NPC1: variants seen among roughly 807,000 people sequenced by gnomAD.
NPC1 encodes the protein NPC intracellular cholesterol transporter 1.
Under a neutral mutation model 140.4 loss-of-function variants are expected in NPC1, and 85 were observed. The ratio of observed to expected loss-of-function variants is 0.61; its 90% CI spans 0.51 to 0.72. The LOEUF (loss-of-function observed/expected upper bound fraction) is 0.72, where lower values mean the gene tolerates loss of function less well. NPC1 is among the 30% of genes least tolerant of loss of function. NPC1 has a pLI of 0.00. For missense variants in NPC1, 1,504 were observed against 1,623.8 expected (o/e 0.93, Z 1.27); for synonymous variants, 656 against 624.8 (o/e 1.05, Z -0.74).
intron 1 of NPC1, among the ~76,000 whole-genome samples, chr18:23,523,163 T>C (rs1199719094): frequency 1.3e-5 from 2 of 152,194 alleles, no homozygotes; most frequent in South Asian, 4.1e-4. Flanking sequence ...CTGGGCTCTT[T>C]CCTACCTTTG....
At chr18:23,526,545 C>A (rs2058302669), downstream of NPC1, 3 of 1,484,006 alleles carry the variant, frequency 2.0e-6, no homozygotes, top group South Asian at 2.6e-5. Flanking sequence ...TCACCACCTG[C>A]CACCCGCCCC....
downstream of NPC1, chr18:23,529,567 T>G (rs957516104): frequency 2.1e-6 from 3 of 1,410,676 alleles, no homozygotes; most frequent in Non-Finnish European, 3.0e-6. Flanking sequence ...GGGGGTTGGA[T>G]AGAGAGTTAT....
At chr18:23,533,138 A>G in intron 24 of NPC1, 1 of 645,030 alleles carries the variant, frequency 1.6e-6, no homozygotes, top group Non-Finnish European at 2.5e-6. Flanking sequence ...GGCCTCCAGA[A>G]AAAACATCGA....
At chr18:23,529,432 T>C, downstream of NPC1, 1 of 1,403,724 alleles carries the variant, frequency 7.1e-7, no homozygotes, top group South Asian at 1.4e-5. Context: ...GGTGAGGCCC[T>C]AGAGCTGGTA....
intron 1 of NPC1, among the ~76,000 whole-genome samples, chr18:23,578,468 A>G (rs1016032074): frequency 6.6e-6 from 1 of 152,242 alleles, no homozygotes; most frequent in Non-Finnish European, 1.5e-5. Flanking sequence ...ACAGCTGCAC[A>G]ATGGGAGCTG....
chr18:23,567,546 A>G (rs1177901251), intron 4 of NPC1, among the ~76,000 whole-genome samples: 2 of 152,190 alleles, frequency 1.3e-5, no homozygotes, highest in Non-Finnish European at 2.9e-5. Flanking sequence ...CCTTACTAAC[A>G]TGTCTTTTGC....
intron 23 of NPC1, 115 bp from the exon 24 acceptor site, chr18:23,533,632 G>C: frequency 9.8e-7 from 1 of 1,023,848 alleles, no homozygotes; most frequent in Non-Finnish European, 1.5e-6. Flanking sequence ...CCAGCCTCCT[G>C]AGTAGCTGGG....
chr18:23,532,238 G>T lies in NPC1; in HGVS notation c.3801C>A (p.Tyr1267Ter). Residue 1267 changes from tyrosine to a stop codon, truncating the protein, a stop_gained, in exon 25 of 25, where the codon TAC becomes TAA. Coordinates refer to ENST00000269228, the MANE Select transcript of NPC1 (RefSeq NM_000271.5). LOFTEE classifies it high-confidence loss of function. ...GAAGCCGTTCGCGCTCTGTTCCTTT[G>T]TATCGCTCTTCAGTGGCACAACTTT... ...KAKSCATEER[Y>*]KGTERERLLN... is the part of the protein sequence containing the mutation. 6.2e-7 allele frequency: 1 copy of T among 1,614,120 alleles called. No individual in the cohort carries two copies. The highest frequency in any genetic ancestry group is 8.5e-7 in the Non-Finnish European group (1 of 1,180,028).
Position 23,531,531 on chromosome 18 carries a change from T to C in NPC1, c.*671A>G. 6.6e-7 allele frequency: 1 copy of C among 1,524,404 alleles called. No individual in the cohort carries two copies. The highest frequency in any genetic ancestry group is 8.8e-7 in the Non-Finnish European group (1 of 1,141,364). 94.4% of individuals were successfully genotyped at this position (1,524,404 alleles called of 1,614,324 possible). The stretch of plus-strand genomic sequence containing the variant: ...AACAATGTATTTTATTAAAGAAAAA[T>C]AAGTTAAAACCCAGTAGACACACCT... On this transcript the variant is annotated 3_prime_UTR_variant, in exon 25 of 25. Transcript: ENST00000269228.
intron 1 of NPC1, among the ~76,000 whole-genome samples, chr18:23,574,803 C>A (rs2059251346): frequency 6.6e-6 from 1 of 152,134 alleles, no homozygotes; most frequent in Admixed American, 6.5e-5. Context: ...TTCAACAAAG[C>A]CACATATGAA....
At chr18:23,548,187 A>G (rs756736129) in intron 10 of NPC1, 79 bp from the exon 11 acceptor site, 3 of 835,662 alleles carry the variant, frequency 3.6e-6, no homozygotes, top group Non-Finnish European at 6.2e-6. Context: ...GAAAAATCAC[A>G]ACACAGATTT....
At chr18:23,563,582 C>T (rs2059075579) in intron 4 of NPC1, among the ~76,000 whole-genome samples, 1 of 152,130 alleles carries the variant, frequency 6.6e-6, no homozygotes, top group Non-Finnish European at 1.5e-5. Flanking sequence ...CCACCATACC[C>T]AGCTAAGTTT....
At chr18:23,536,375 C>T (rs190274788) in intron 21 of NPC1, among the ~76,000 whole-genome samples, 16 of 152,318 alleles carry the variant, frequency 1.1e-4, no homozygotes, top group South Asian at 4.1e-4. Flanking sequence ...TGCTCTGAGC[C>T]GCCTGCTCTC....
intron 6 of NPC1, among the ~76,000 whole-genome samples, chr18:23,557,874 G>C (rs1227937127): frequency 6.6e-6 from 1 of 152,178 alleles, no homozygotes; most frequent in African/African-American, 2.4e-5. Flanking sequence ...CAGGGACAGG[G>C]AATATGTAAG....
At position 23,561,430 on chromosome 18, in the gene NPC1, G is replaced by C. The variant is rs934409291; in HGVS notation, c.561C>G (p.Thr187=). The change falls in exon 5 of 25, where the codon ACC becomes ACG. Residue 187 remains threonine, a synonymous_variant. Coordinates refer to ENST00000269228, the MANE Select transcript of NPC1 (RefSeq NM_000271.5). ...TATTGAACATGTATTCAATCCAGTT[G>C]GTGGCATTACAGGCGTCAGCGTCCT... ...CGKDADACNA[T]NWIEYMFNKD... 1.2e-6 allele frequency: 2 copies of C among 1,614,146 alleles called. No individual in the cohort carries two copies. Among genetic ancestry groups the C allele is most frequent in the Non-Finnish European group, 1.7e-6 (2 of 1,180,014 alleles).
At chr18:23,523,707 G>A (rs1030050149) in intron 1 of NPC1, among the ~76,000 whole-genome samples, 1 of 152,084 alleles carries the variant, frequency 6.6e-6, no homozygotes, top group Non-Finnish European at 1.5e-5. Flanking sequence ...GGACAGCAGA[G>A]CAACACCCTC....
At chr18:23,520,187 C>CT (rs747075380), downstream of NPC1, 8 of 1,606,310 alleles carry the variant, frequency 5.0e-6, no homozygotes, top group Middle Eastern at 1.6e-4. Flanking sequence ...TCAGTCTTGT[C>CT]TTTTTCCCCC....
chr18:23,556,239 T>C lies in NPC1; in HGVS notation c.1326+4A>G. ...GTGACTTATTTCTTCAAACAGCAGG[T>C]TACCTGGTGCAGTATCTGTATGTCA... On this transcript the variant is annotated splice_donor_region_variant and intron_variant, in intron 8 of 24. Coordinates refer to ENST00000269228, the MANE Select transcript of NPC1 (RefSeq NM_000271.5). 1 of 1,613,744 alleles carries C rather than the reference T, an allele frequency of 6.2e-7. No homozygotes were observed. The highest frequency in any genetic ancestry group is 8.5e-7 in the Non-Finnish European group (1 of 1,179,740).
chr18:23,581,114 GTTAGTC>G (rs2059350679), intron 1 of NPC1, among the ~76,000 whole-genome samples: 1 of 152,176 alleles, frequency 6.6e-6, no homozygotes, highest in Non-Finnish European at 1.5e-5. Context: ...CATATTACTA[GTTAGTC>G]TTAGACATTT....
Sources: allele counts gnomAD v4.1 joint callset (sites outside exome capture counted in the v4.1 genomes callset), GRCh38; gene constraint gnomAD v4.1.1; transcripts MANE v1.5; gene names NCBI Gene and HGNC (gene_info 2026-07-23, HGNC 2026-07-21).